CLIP2: variants seen among roughly 807,000 people sequenced by gnomAD.
The protein encoded by CLIP2 is CAP-Gly domain-containing linker protein 2.
In CLIP2, 41 loss-of-function variants were observed where a neutral mutation model predicts 111.7. The observed-to-expected ratio is 0.37, with a 90% CI of 0.29 to 0.48. The LOEUF (loss-of-function observed/expected upper bound fraction) is 0.48, where lower values mean the gene tolerates loss of function less well. Among genes scored for constraint, CLIP2 ranks in the 20% least tolerant of loss-of-function variants. CLIP2 has a pLI of 0.99. For synonymous variants in CLIP2, 660 were observed against 644.2 expected (o/e 1.02, Z -0.37); for missense variants, 1,160 against 1,422.1 (o/e 0.82, Z 2.96).
intron 13 of CLIP2, among the ~76,000 whole-genome samples, chr7:74,393,546 T>G (rs1468736984): frequency 3.4e-5 from 5 of 147,724 alleles, no homozygotes; most frequent in African/African-American, 1.0e-4. Context: ...ATGTTGGTCA[T>G]GCTGGTCTCG....
At chr7:74,349,320 A>G (rs1302043272) in intron 3 of CLIP2, among the ~76,000 whole-genome samples, 1 of 150,840 alleles carries the variant, frequency 6.6e-6, no homozygotes, top group Non-Finnish European at 1.5e-5. Context: ...AATCCCAGCT[A>G]CTAGGGAGGC....
At chr7:74,311,048 C>T (rs1259479622) in intron 1 of CLIP2, among the ~76,000 whole-genome samples, 10 of 150,622 alleles carry the variant, frequency 6.6e-5, no homozygotes, top group Non-Finnish European at 1.2e-4. Context: ...GGTGCGATCT[C>T]AGCTCATTGC....
Position 74,389,217 on chromosome 7 carries a change from G to A in CLIP2, c.2678G>A (p.Gly893Asp), listed in dbSNP as rs2116689028. The change falls in exon 13 of 17, where the codon GGC becomes GAC. Residue 893 changes from glycine to aspartate, a missense_variant. Gly to Asp is a moderately conservative substitution (Grantham distance 94, BLOSUM62 -1). Coordinates refer to ENST00000223398, the MANE Select transcript of CLIP2 (RefSeq NM_003388.5). ...TCCCGGAAGACCCATGACGCCTCGG[G>A]CCAGCTAGTCCTCATCAGCCAGGAG... ...TVSRKTHDAS[G>D]QLVLISQELL... is the part of the protein sequence containing the mutation. 6.2e-7 allele frequency: 1 copy of A among 1,611,598 alleles called. No homozygotes were observed. Among genetic ancestry groups the A allele is most frequent in the Non-Finnish European group, 8.5e-7 (1 of 1,179,128 alleles).
In CLIP2 at chr7:74,360,189, CGAG is replaced by C; in HGVS notation, c.1234_1236del (p.Glu412del). 6.2e-7 allele frequency: 1 copy of C among 1,604,776 alleles called. No homozygotes were observed. Among genetic ancestry groups the C allele is most frequent in the Non-Finnish European group, 8.5e-7 (1 of 1,175,908 alleles). On this transcript the variant is annotated inframe_deletion, in exon 7 of 17. Coordinates refer to ENST00000223398, the MANE Select transcript of CLIP2 (RefSeq NM_003388.5). ...TGGGGGCCCAGTATGTTGCAGAAGC[CGAG>C]GAGAAGCTGCAGCGAGCCCGGCTGC...
chr7:74,394,242 C>CTTCTTTTTTTTTTTTTTTTTTTT (rs782731877), intron 13 of CLIP2, among the ~76,000 whole-genome samples: 2 of 119,736 alleles, frequency 1.7e-5, no homozygotes, highest in Non-Finnish European at 3.5e-5. Flanking sequence ...TCTTTTTCTT[C>CTTCTTTTTTTTTTTTTTTTTTTT]TTATTTTTTT....
chr7:74,322,590 C>T (rs573704633), intron 2 of CLIP2, among the ~76,000 whole-genome samples: 1 of 152,138 alleles, frequency 6.6e-6, no homozygotes, highest in Admixed American at 6.6e-5. Flanking sequence ...AACAAACAGA[C>T]AGGAGACAGG....
intron 7 of CLIP2, among the ~76,000 whole-genome samples, chr7:74,361,365 G>A (rs891482702): frequency 5.3e-5 from 8 of 151,532 alleles, no homozygotes; most frequent in African/African-American, 1.9e-4. Context: ...TTACAGGCAT[G>A]GCCACCAAGC....
intron 1 of CLIP2, among the ~76,000 whole-genome samples, chr7:74,298,364 T>G (rs1554726348): frequency 1.3e-5 from 2 of 149,572 alleles, no homozygotes; most frequent in East Asian, 1.9e-4. Flanking sequence ...TGGTTTTTTT[T>G]TTTTTTTTTT....
In CLIP2 at chr7:74,376,176, T is replaced by C; in HGVS notation, c.1775T>C (p.Val592Ala). The C allele has an allele frequency of 6.2e-7, 1 of 1,610,768 alleles. No individual in the cohort carries two copies. The stretch of plus-strand genomic sequence containing the variant: ...GCCAACGAGAAGTACGCACAGGAGG[T>C]GGCGGGCCTGAAGGACAAGGTTCAG... ...RAANEKYAQEVAGLKDKVQQA... is the reference protein window; with the variant it reads ...RAANEKYAQEAAGLKDKVQQA... The change falls in exon 10 of 17, where the codon GTG becomes GCG. Residue 592 changes from valine (V) to alanine (A), a missense_variant. By Grantham distance (64) the Val-to-Ala change is moderately conservative. Around this residue, in one of 5 missense-constraint regions of CLIP2, gnomAD observed 676 missense variants for 777.8 expected, o/e 0.87. Transcript: ENST00000223398. This position sits in a 1 kb window ranked among gnomAD's most constrained non-coding sequence, Gnocchi z 7.1.
At chr7:74,394,245 A>ATTTTTTT (rs56651501) in intron 13 of CLIP2, among the ~76,000 whole-genome samples, 6 of 117,400 alleles carry the variant, frequency 5.1e-5, no homozygotes, top group Non-Finnish European at 7.0e-5. Flanking sequence ...TTTTCTTCTT[A>ATTTTTTT]TTTTTTTTTT....
intron 3 of CLIP2, among the ~76,000 whole-genome samples, chr7:74,346,908 G>A (rs547470024): frequency 6.2e-4 from 94 of 151,868 alleles, no homozygotes; most frequent in African/African-American, 2.1e-3. Flanking sequence ...GTGTGGTGTC[G>A]CATGCCTCCA....
intron 8 of CLIP2, chr7:74,364,826 A>G (rs1554310482): frequency 2.2e-6 from 1 of 453,884 alleles, no homozygotes; most frequent in Admixed American, 2.4e-5. Context: ...GTTCAAGACC[A>G]GCCTGGGCAA....
intron 2 of CLIP2, among the ~76,000 whole-genome samples, chr7:74,329,828 G>A (rs985039156): frequency 2.6e-5 from 4 of 152,072 alleles, no homozygotes; most frequent in Admixed American, 2.6e-4. Context: ...GGCCCAGGCT[G>A]GAGTGCAATG....
At chr7:74,381,075 T>C (rs577360558) in intron 11 of CLIP2, 2 of 410,308 alleles carry the variant, frequency 4.9e-6, no homozygotes, top group South Asian at 1.6e-4. Flanking sequence ...GTCTTTTTTT[T>C]CTTTTTCTTT....
intron 6 of CLIP2, 93 bp downstream of exon 6, chr7:74,357,570 C>A: frequency 1.7e-6 from 2 of 1,158,674 alleles, no homozygotes; most frequent in Non-Finnish European, 2.5e-6. Flanking sequence ...GGGGTGGGTG[C>A]AGAGAAATAT....
At position 74,317,618 on chromosome 7, in the gene CLIP2, T is replaced by C. The variant is rs2116502054; in HGVS notation, c.72T>C (p.Ser24=). 1 of 1,526,418 alleles carries C rather than the reference T, an allele frequency of 6.6e-7. No homozygotes were observed. Among genetic ancestry groups the C allele is most frequent in the South Asian group, 1.3e-5 (1 of 79,844 alleles). The allele number at this position is 1,526,418 out of a possible 1,614,324, so 94.6% of individuals were successfully genotyped here. Residue 24 remains serine, a synonymous_variant, in exon 2 of 17, where the codon TCT becomes TCC. Transcript: ENST00000223398. ...ACTCCAGCCCCATGGGCCGGACATC[T>C]ACTGGGTCAGCTTCATCCTCGGCGG... ...GKHSSPMGRT[S]TGSASSSAAV...
intron 1 of CLIP2, among the ~76,000 whole-genome samples, chr7:74,294,003 G>A (rs1788101397): frequency 6.6e-6 from 1 of 151,668 alleles, no homozygotes; most frequent in Non-Finnish European, 1.5e-5. Flanking sequence ...CACAACCTCT[G>A]CCTCCCGGGT....
intron 10 of CLIP2, among the ~76,000 whole-genome samples, chr7:74,378,156 C>G (rs1790848435): frequency 6.8e-6 from 1 of 146,496 alleles, no homozygotes; most frequent in African/African-American, 2.5e-5. Context: ...GAGACAGGGT[C>G]TTGTTCTGTC....
intron 1 of CLIP2, among the ~76,000 whole-genome samples, chr7:74,296,775 T>A (rs1176621760): frequency 3.6e-5 from 4 of 111,080 alleles, no homozygotes; most frequent in South Asian, 2.9e-4. Context: ...GGTGACAGAG[T>A]AAGATTTTGT....
Sources: allele counts gnomAD v4.1 joint callset (sites outside exome capture counted in the v4.1 genomes callset), GRCh38; gene constraint gnomAD v4.1.1; regional missense constraint gnomAD v4.1.1; non-coding constraint Gnocchi (gnomAD v3.1); transcripts MANE v1.5; gene names NCBI Gene and HGNC (gene_info 2026-07-23, HGNC 2026-07-21).